Variants in SPATA13 observed in about 807,000 individuals in gnomAD.
The protein encoded by SPATA13 is spermatogenesis-associated protein 13.
A neutral mutation model predicts 104.0 loss-of-function variants in SPATA13; 50 were observed. The observed-to-expected ratio is 0.48, with a 90% confidence interval of 0.38 to 0.61. The LOEUF (loss-of-function observed/expected upper bound fraction) is 0.61. SPATA13 is among the 20% of genes least tolerant of loss of function. The pLI is 0.00. For synonymous variants in SPATA13, 606 were observed against 667.5 expected (o/e 0.91, Z 1.42); for missense variants, 1,524 against 1,690.6 (o/e 0.90, Z 1.73).
rs577194306 is a variant in SPATA13, at chr13:24,060,469, C to T, written c.-112+42768C>T. ...AAAAACTTAAATGTAAAACCCAAAG[C>T]TATCTAAACCCTGAAAGACAACCTA... On this transcript the variant is annotated intron_variant, in intron 3 of 14. Coordinates refer to the SPATA13 transcript ENST00000424834. Among the ~76,000 whole-genome samples the T allele has an allele frequency of 3.5e-4, 54 of 152,306 alleles. 1 individual carries two copies. Among genetic ancestry groups the T allele is most frequent in the Middle Eastern group, 6.8e-3 (2 of 294 alleles).
rs1197887563 is a variant in SPATA13 at position 24,036,284 on chromosome 13, T to A, written c.-112+18583T>A. On this transcript the variant is annotated intron_variant, in intron 3 of 14. Transcript: ENST00000424834. The stretch of plus-strand genomic sequence containing the variant: ...TTGCAAATCTCCCTGGCGTCAGGGT[T>A]AATGGAAGACAGCTGGGCTGTCCTT... 2.0e-5 allele frequency among the ~76,000 whole-genome samples: 3 copies of A among 152,336 alleles called. No homozygotes were observed. In the East Asian group the frequency reaches 5.8e-4, roughly 29 times the overall value.
intron 2 of SPATA13, among the ~76,000 whole-genome samples, chr13:23,984,898 A>G (rs745684960): frequency 2.6e-5 from 4 of 152,210 alleles, no homozygotes; most frequent in Non-Finnish European, 5.9e-5. Flanking sequence ...TGCAAGGTAG[A>G]ATGGTCTGTT....
chr13:24,127,566 C>T (rs1030940931), intron 3 of SPATA13, among the ~76,000 whole-genome samples: 1 of 152,158 alleles, frequency 6.6e-6, no homozygotes, highest in Non-Finnish European at 1.5e-5. Flanking sequence ...AGCAAGAGCT[C>T]AAGAAATGAG....
chr13:24,255,863 A>G (rs1203382539), intron 4 of SPATA13, among the ~76,000 whole-genome samples: 2 of 152,240 alleles, frequency 1.3e-5, no homozygotes, highest in African/African-American at 4.8e-5. Flanking sequence ...CTGTAAAAGC[A>G]TCATTTTGAG....
intron 12 of SPATA13, among the ~76,000 whole-genome samples, chr13:24,301,335 C>T (rs1877171629): frequency 2.0e-5 from 3 of 152,200 alleles, no homozygotes; most frequent in South Asian, 2.1e-4. Flanking sequence ...CAGTGAAGAA[C>T]TGATTCCCCA....
intron 10 of SPATA13, among the ~76,000 whole-genome samples, chr13:24,295,251 A>AT (rs149526112): frequency 0.017 from 2,622 of 152,186 alleles, 65 homozygotes; most frequent in African/African-American, 0.06. Context: ...GCCAAGATTA[A>AT]TTTTTTTATC....
intron 1 of SPATA13, among the ~76,000 whole-genome samples, chr13:23,982,255 C>T (rs1480729776): frequency 6.6e-6 from 1 of 152,174 alleles, no homozygotes; most frequent in Admixed American, 6.5e-5. Flanking sequence ...CAGGTATGGA[C>T]CTGGCTGGTC....
chr13:24,196,495 T>G (rs1261659975), intron 1 of SPATA13, among the ~76,000 whole-genome samples: 1 of 152,180 alleles, frequency 6.6e-6, no homozygotes, highest in African/African-American at 2.4e-5. Flanking sequence ...ACTCTTCTTT[T>G]CATTCCTGGT....
intron 3 of SPATA13, among the ~76,000 whole-genome samples, chr13:24,028,430 A>G (rs1395167746): frequency 2.6e-5 from 4 of 152,196 alleles, no homozygotes; most frequent in Non-Finnish European, 5.9e-5. Context: ...AGTTTCTCCT[A>G]GTACTTTACA....
chr13:24,223,295 G>A lies in SPATA13; in HGVS notation c.366G>A (p.Leu122=), dbSNP rs1372529985. ...GSFKKLKSSV[L]KGIQSREGSN... ...TTAAGAAACTGAAGTCCTCAGTCCT[G>A]AAAGGAATTCAGAGCCGAGAGGGGT... The change falls in exon 2 of 13, where the codon CTG becomes CTA. Residue 122 remains leucine (L), a synonymous_variant. Transcript: ENST00000382108. 25 of 1,551,614 alleles carry A rather than the reference G, an allele frequency of 1.6e-5. No homozygotes were observed. The highest frequency in any genetic ancestry group is 2.2e-5 in the Non-Finnish European group (25 of 1,146,996).
chr13:24,247,797 T>C (rs1873238064), intron 2 of SPATA13, among the ~76,000 whole-genome samples: 1 of 152,276 alleles, frequency 6.6e-6, no homozygotes, highest in African/African-American at 2.4e-5. Flanking sequence ...ATCCACTTCT[T>C]CATGGCACGT....
chr13:24,297,770 T>C (rs1277209835), intron 11 of SPATA13, 35 bp downstream of exon 11: 17 of 1,577,718 alleles, frequency 1.1e-5, no homozygotes, highest in Non-Finnish European at 1.4e-5. Flanking sequence ...CACCTGTGCC[T>C]CTGCTTGCTG....
chr13:23,999,669 G>C (rs2810704), intron 2 of SPATA13, among the ~76,000 whole-genome samples: 116,080 of 151,784 alleles, frequency 0.76, 44,538 homozygotes, highest in African/African-American at 0.8. Flanking sequence ...AAAGGCTCAG[G>C]GTATTTGTTT....
At chr13:24,272,186 G>C (rs990713715) in intron 4 of SPATA13, among the ~76,000 whole-genome samples, 1 of 152,148 alleles carries the variant, frequency 6.6e-6, no homozygotes, top group African/African-American at 2.4e-5. Flanking sequence ...GGGGTGGGGG[G>C]CAGGTGGCCC....
chr13:24,288,870 T>A (rs1876138444), intron 7 of SPATA13, 129 bp from the exon 8 acceptor site: 2 of 759,148 alleles, frequency 2.6e-6, no homozygotes, highest in African/African-American at 3.6e-5. Context: ...GATGACCTCA[T>A]CAGAGACTCA....
At chr13:24,081,132 T>C (rs1879501617) in intron 3 of SPATA13, among the ~76,000 whole-genome samples, 4 of 152,234 alleles carry the variant, frequency 2.6e-5, no homozygotes, top group Admixed American at 6.5e-5. Context: ...ATAGTGTTAC[T>C]GTCAAAGACC....
At chr13:24,069,014 G>C (rs746206785) in intron 3 of SPATA13, among the ~76,000 whole-genome samples, 10 of 152,082 alleles carry the variant, frequency 6.6e-5, no homozygotes, top group Non-Finnish European at 1.2e-4. Context: ...TTTGGTTACT[G>C]TAGCCCTGTA....
At chr13:24,148,191 T>C (rs983309098) in intron 3 of SPATA13, among the ~76,000 whole-genome samples, 4 of 152,206 alleles carry the variant, frequency 2.6e-5, no homozygotes, top group Non-Finnish European at 5.9e-5. Flanking sequence ...TTGTAGTTCC[T>C]TGCTAGGAAT....
intron 1 of SPATA13, among the ~76,000 whole-genome samples, chr13:24,199,889 T>A (rs975944989): frequency 6.6e-6 from 1 of 152,226 alleles, no homozygotes; most frequent in Non-Finnish European, 1.5e-5. Flanking sequence ...GAATACTTAT[T>A]ATAATAATAA....
Sources: gnomAD v4.1 joint callset for allele counts (sites outside exome capture counted in the v4.1 genomes callset) on GRCh38, gnomAD v4.1.1 for gene constraint, MANE v1.5 for transcripts, NCBI Gene and HGNC (gene_info 2026-07-23, HGNC 2026-07-21) for gene names.